SLC7A2: variants seen among roughly 807,000 people sequenced by gnomAD.
SLC7A2 encodes the protein solute carrier family 7 member 2, also known as cationic amino acid transporter 2.
A neutral mutation model predicts 58.9 loss-of-function variants in SLC7A2; 48 were observed. The ratio of observed to expected loss-of-function variants is 0.82; its 90% CI spans 0.65 to 1.04. The LOEUF (loss-of-function observed/expected upper bound fraction) is 1.04. Ranked by LOEUF, SLC7A2 falls within the 50% of genes least tolerant of loss-of-function variation. SLC7A2 has a pLI of 0.00. For synonymous variants in SLC7A2, 363 were observed against 314.5 expected (o/e 1.15, Z -1.63); for missense variants, 1,029 against 818.8 (o/e 1.26, Z -3.13).
chr8:17,507,449 A>AAT (rs1187857923), intron 2 of SLC7A2, among the ~76,000 whole-genome samples: 1 of 152,022 alleles, frequency 6.6e-6, no homozygotes, highest in Non-Finnish European at 1.5e-5. Context: ...CCTGGCCTCA[A>AAT]ATGATCTTCT....
chr8:17,555,329 C>T (rs1209809006), intron 8 of SLC7A2, among the ~76,000 whole-genome samples: 1 of 151,674 alleles, frequency 6.6e-6, no homozygotes, highest in Admixed American at 6.6e-5. Flanking sequence ...ATCTTTTGGG[C>T]TCTAACAAAT....
rs752318750 is a variant in SLC7A2, at chr8:17,565,189, C to T, written c.*43C>T. On this transcript the variant is annotated 3_prime_UTR_variant, in exon 13 of 13. Transcript: ENST00000494857. ...CTGGTCATCGTCTTAGCATACATAT[C>T]CTACACTGAGTAAACCGTAACGGGA... is the stretch of plus-strand genomic sequence containing the variant. The T allele has an allele frequency of 1.4e-6, 2 of 1,477,582 alleles. No individual in the cohort carries two copies. Among genetic ancestry groups the T allele is most frequent in the Admixed American group, 1.8e-5 (1 of 55,318 alleles). 91.5% of individuals were successfully genotyped at this position (1,477,582 alleles called of 1,614,324 possible).
intron 2 of SLC7A2, among the ~76,000 whole-genome samples, chr8:17,540,348 A>G (rs1259889366): frequency 6.6e-6 from 1 of 152,162 alleles, no homozygotes; most frequent in African/African-American, 2.4e-5. Flanking sequence ...TTTCTGACGT[A>G]TGTTTTTCTA....
chr8:17,530,969 T>C (rs1801427225), intron 2 of SLC7A2, among the ~76,000 whole-genome samples: 2 of 152,236 alleles, frequency 1.3e-5, no homozygotes, highest in African/African-American at 4.8e-5. Context: ...ATGCTGATAT[T>C]TCTAAATATT....
At chr8:17,508,185 AAG>A (rs1800451732) in intron 2 of SLC7A2, among the ~76,000 whole-genome samples, 1 of 152,200 alleles carries the variant, frequency 6.6e-6, no homozygotes, top group African/African-American at 2.4e-5. Context: ...CAAACAAAAA[AAG>A]AGCAGACTTG....
chr8:17,502,286 G>C lies in SLC7A2; in HGVS notation c.-39G>C, dbSNP rs1323907627. 2 of 152,002 alleles carry C rather than the reference G, an allele frequency of 1.3e-5. No homozygotes were observed. Among genetic ancestry groups the C allele is most frequent in the African/African-American group, 4.8e-5 (2 of 41,346 alleles). 9.4% of individuals were successfully genotyped at this position (152,002 alleles called of 1,614,324 possible). ...AGACTCTCTGAAGACCAGCAGGAAA[G>C]CAGTGAGCCCTTACAGGTTAGTGCT... On this transcript the variant is annotated 5_prime_UTR_variant, in exon 2 of 13. Transcript: ENST00000494857.
chr8:17,544,537 A>G lies in SLC7A2; in HGVS notation c.463A>G (p.Arg155Gly). 2.5e-6 allele frequency: 4 copies of G among 1,614,072 alleles called. No homozygotes were observed. Among genetic ancestry groups the G allele is most frequent in the Middle Eastern group, 1.6e-4 (1 of 6,062 alleles). Residue 155 changes from arginine (R) to glycine (G), a missense_variant, in exon 4 of 13, where the codon AGA (arginine) becomes GGA (glycine). Physicochemically the swap from Arg to Gly is moderately radical, Grantham distance 125. Transcript: ENST00000494857. ...QIGQFLRTYF[R>G]MNYTGLAEYP... ...TGGTCAGTTTTTGAGGACATACTTCAGAATGAATTACACTGGTCTTGCAGA... is the reference window on the plus strand; with the variant it reads ...TGGTCAGTTTTTGAGGACATACTTCGGAATGAATTACACTGGTCTTGCAGA...
At chr8:17,556,783 A>AT (rs1585262797) in intron 8 of SLC7A2, among the ~76,000 whole-genome samples, 2 of 151,752 alleles carry the variant, frequency 1.3e-5, no homozygotes, top group South Asian at 4.2e-4. Context: ...TGATTTTTGT[A>AT]TTTTTAGTAG....
rs149489534 is a variant in SLC7A2 at position 17,549,945 on chromosome 8, A to C, written c.699-356A>C. 1.6e-3 allele frequency among the ~76,000 whole-genome samples: 238 copies of C among 152,366 alleles called. 1 individual carries two copies. Among genetic ancestry groups the C allele is most frequent in the Admixed American group, 0.013 (200 of 15,308 alleles). ...AATTGAAGAATGAATTCTCCTAAGA[A>C]TAAGCATCCATGAGAAGAAGAGGTT... is the stretch of plus-strand genomic sequence containing the variant. On this transcript the variant is annotated intron_variant, in intron 5 of 12. Coordinates refer to ENST00000494857, the MANE Select transcript of SLC7A2 (RefSeq NM_001370338.1).
chr8:17,524,179 T>C (rs1033524476), intron 2 of SLC7A2, among the ~76,000 whole-genome samples: 25 of 152,144 alleles, frequency 1.6e-4, no homozygotes, highest in African/African-American at 5.8e-4. Context: ...GTACAACCAC[T>C]ATGGAAAACA....
chr8:17,495,501 G>A (rs1018499995), upstream of SLC7A2, among the ~76,000 whole-genome samples: 1 of 152,158 alleles, frequency 6.6e-6, no homozygotes, highest in Non-Finnish European at 1.5e-5. Context: ...TGGTCTATCA[G>A]ATAATATCTT....
At chr8:17,558,227 A>T in intron 8 of SLC7A2, 68 bp from the exon 9 acceptor site, 1 of 982,416 alleles carries the variant, frequency 1.0e-6, no homozygotes, top group Non-Finnish European at 1.6e-6. Flanking sequence ...CCCTGACTTG[A>T]ACGTTAGTAA....
chr8:17,519,529 C>T (rs1446357171), intron 2 of SLC7A2, among the ~76,000 whole-genome samples: 2 of 152,134 alleles, frequency 1.3e-5, no homozygotes, highest in East Asian at 1.9e-4. Context: ...GAATCCTGTT[C>T]CCTTTGGCCC....
At chr8:17,522,639 A>G (rs1801061156) in intron 2 of SLC7A2, among the ~76,000 whole-genome samples, 1 of 152,146 alleles carries the variant, frequency 6.6e-6, no homozygotes, top group Non-Finnish European at 1.5e-5. Context: ...ACCTGAAATA[A>G]AGACTAGGTC....
chr8:17,539,026 C>G (rs768512856), intron 2 of SLC7A2: 35 of 988,142 alleles, frequency 3.5e-5, no homozygotes, highest in Non-Finnish European at 5.5e-5. Context: ...CTAAGTGACT[C>G]AATGCAACTT....
At chr8:17,549,531 C>G (rs1025533422) in intron 5 of SLC7A2, among the ~76,000 whole-genome samples, 2 of 152,238 alleles carry the variant, frequency 1.3e-5, no homozygotes, top group African/African-American at 4.8e-5. Flanking sequence ...TTTGCCACCA[C>G]TAAATAACAA....
chr8:17,540,592 T>G (rs1801870090), intron 2 of SLC7A2, among the ~76,000 whole-genome samples: 2 of 152,182 alleles, frequency 1.3e-5, no homozygotes, highest in South Asian at 4.1e-4. Context: ...CAGTCCTGCT[T>G]CCTGTGTAAT....
intron 2 of SLC7A2, among the ~76,000 whole-genome samples, chr8:17,541,269 C>T (rs1339040040): frequency 6.6e-6 from 1 of 152,126 alleles, no homozygotes. Context: ...AAGCAGAACA[C>T]TTATCTTCTA....
chr8:17,559,599 A>G (rs190382365), intron 9 of SLC7A2, among the ~76,000 whole-genome samples: 57 of 152,212 alleles, frequency 3.7e-4, no homozygotes, highest in Admixed American at 1.8e-3. Flanking sequence ...AAGAAGAAAA[A>G]CCATCAGATC....
Sources: allele counts gnomAD v4.1 joint callset (sites outside exome capture counted in the v4.1 genomes callset), GRCh38; gene constraint gnomAD v4.1.1; transcripts MANE v1.5; gene names NCBI Gene and HGNC (gene_info 2026-07-23, HGNC 2026-07-21).